The following RERG variants were observed in gnomAD, a reference collection of about 807,000 sequenced individuals.
RERG encodes the protein RAS like estrogen regulated growth inhibitor.
In RERG, 25 loss-of-function variants were observed where a neutral mutation model predicts 23.2. That is an observed-to-expected ratio of 1.08 (90% CI 0.79 to 1.50). The LOEUF (loss-of-function observed/expected upper bound fraction) is 1.50. Ranked by LOEUF, RERG falls within the 40% of genes most tolerant of loss-of-function variation. The pLI is 0.00. For synonymous variants in RERG, 81 were observed against 89.1 expected (o/e 0.91, Z 0.51); for missense variants, 253 against 250.1 (o/e 1.01, Z -0.08).
chr12:15,159,913 G>T (rs1864580152), intron 2 of RERG, among the ~76,000 whole-genome samples: 1 of 152,176 alleles, frequency 6.6e-6, no homozygotes, highest in Admixed American at 6.5e-5. Context: ...AAAAGGGTGA[G>T]ATTTAATGCA....
chr12:15,116,077 A>T (rs1181918806), intron 3 of RERG, among the ~76,000 whole-genome samples: 1 of 152,186 alleles, frequency 6.6e-6, no homozygotes, highest in East Asian at 1.9e-4. Context: ...TTTATGTTAA[A>T]TTGGAGATTA....
intron 2 of RERG, among the ~76,000 whole-genome samples, chr12:15,198,686 G>T (rs919677691): frequency 6.6e-6 from 1 of 152,124 alleles, no homozygotes; most frequent in African/African-American, 2.4e-5. Flanking sequence ...CTCTCTGGAG[G>T]CTCTGAAACA....
At chr12:15,150,513 A>C (rs1322456883) in intron 2 of RERG, among the ~76,000 whole-genome samples, 1 of 152,228 alleles carries the variant, frequency 6.6e-6, no homozygotes, top group African/African-American at 2.4e-5. Flanking sequence ...TAAGGAACTT[A>C]GTATCATGTC....
chr12:15,136,404 T>C (rs1489024944), intron 2 of RERG, among the ~76,000 whole-genome samples: 2 of 151,990 alleles, frequency 1.3e-5, no homozygotes, highest in Non-Finnish European at 2.9e-5. Context: ...ATTTCTGTTC[T>C]AGTTTTTATT....
intron 2 of RERG, among the ~76,000 whole-genome samples, chr12:15,143,940 A>C (rs551056823): frequency 2.0e-5 from 3 of 152,274 alleles, no homozygotes; most frequent in Admixed American, 2.0e-4. Context: ...GGCAGAAGAA[A>C]GGGCAAGTGT....
chr12:15,147,348 A>G (rs1435930228), intron 2 of RERG, among the ~76,000 whole-genome samples: 2 of 152,254 alleles, frequency 1.3e-5, no homozygotes. Flanking sequence ...ATTTTGTAAC[A>G]TTCTTTCACT....
At chr12:15,143,535 C>A (rs1307233437) in intron 2 of RERG, among the ~76,000 whole-genome samples, 1 of 152,108 alleles carries the variant, frequency 6.6e-6, no homozygotes, top group East Asian at 1.9e-4. Flanking sequence ...CTACTATGTG[C>A]ATGGCAATGA....
At chr12:15,136,752 C>G (rs1474282941) in intron 2 of RERG, among the ~76,000 whole-genome samples, 1 of 151,962 alleles carries the variant, frequency 6.6e-6, no homozygotes, top group Non-Finnish European at 1.5e-5. Context: ...CCATTGTGGT[C>G]TGAGAACATG....
rs140269196 is a variant in RERG, at chr12:15,188,889, C to T, written c.61+28540G>A. ...GTTATGGGAATGCCTCAGACGCCCA[C>T]GCACTCTCAGAGTATGATGAGAGAT... On this transcript the variant is annotated intron_variant, in intron 2 of 4. Transcript: ENST00000256953. Among the ~76,000 whole-genome samples the T allele has an allele frequency of 1.1e-3, 172 of 152,250 alleles. 4 individuals are homozygous for T. The East Asian group carries it at 0.026, about 23-fold the overall frequency.
intron 2 of RERG, among the ~76,000 whole-genome samples, chr12:15,172,234 T>A (rs904506865): frequency 6.6e-6 from 1 of 152,196 alleles, no homozygotes; most frequent in African/African-American, 2.4e-5. Flanking sequence ...TCATACAATA[T>A]GTGGTCTTTT....
At chr12:15,198,121 A>G (rs138529846) in intron 2 of RERG, among the ~76,000 whole-genome samples, 3 of 151,896 alleles carry the variant, frequency 2.0e-5, no homozygotes, top group African/African-American at 4.8e-5. Context: ...CTCTGGCTCT[A>G]TTTCCTTTTC....
chr12:15,140,245 G>C (rs557897490), intron 2 of RERG, among the ~76,000 whole-genome samples: 3 of 152,196 alleles, frequency 2.0e-5, no homozygotes, highest in Non-Finnish European at 4.4e-5. Context: ...ACCCCTGAGA[G>C]TTCTCTCACT....
chr12:15,124,706 GTATT>G (rs1470933373), intron 2 of RERG, among the ~76,000 whole-genome samples: 2 of 151,894 alleles, frequency 1.3e-5, no homozygotes, highest in Non-Finnish European at 2.9e-5. Flanking sequence ...ACAACAATAA[GTATT>G]TATTATGGAA....
At chr12:15,181,907 G>T (rs1864928119) in intron 2 of RERG, among the ~76,000 whole-genome samples, 1 of 152,150 alleles carries the variant, frequency 6.6e-6, no homozygotes, top group Admixed American at 6.6e-5. Context: ...CAAACTCTGG[G>T]AGAATGTCAT....
intron 2 of RERG, among the ~76,000 whole-genome samples, chr12:15,214,412 C>A (rs1355197309): frequency 6.6e-6 from 1 of 152,098 alleles, no homozygotes; most frequent in Non-Finnish European, 1.5e-5. Context: ...TCTTATTTAC[C>A]CCCAATTCCT....
intron 2 of RERG, among the ~76,000 whole-genome samples, chr12:15,213,792 C>T (rs1787534283): frequency 6.6e-6 from 1 of 152,316 alleles, no homozygotes; most frequent in South Asian, 2.1e-4. Context: ...GCCTATCTAT[C>T]ACCTGGGCTT....
At chr12:15,170,093 T>C (rs747445014) in intron 2 of RERG, among the ~76,000 whole-genome samples, 2 of 152,110 alleles carry the variant, frequency 1.3e-5, no homozygotes, top group Non-Finnish European at 2.9e-5. Flanking sequence ...AATACAGATA[T>C]AGAAATGGCA....
intron 2 of RERG, 99 bp from the exon 3 acceptor site, chr12:15,121,218 A>AT (rs1863826139): frequency 2.5e-6 from 2 of 789,302 alleles, no homozygotes; most frequent in Non-Finnish European, 4.2e-6. Flanking sequence ...CAACCCTATA[A>AT]ATGCTTTATA....
In RERG at chr12:15,160,855, G is replaced by A. The variant is rs148493528; in HGVS notation, c.62-39736C>T. ...AATACTCCTTAGAAACAGGGGCATC[G>A]TCTGGGCGCAATGGCTCCCACCTGT... On this transcript the variant is annotated intron_variant, in intron 2 of 4. Transcript: ENST00000256953. Among the ~76,000 whole-genome samples, 241 of 150,934 alleles carry A rather than the reference G, an allele frequency of 1.6e-3. 6 individuals are homozygous for A. The South Asian group carries it at 0.046, about 29-fold the overall frequency.
Sources: allele counts gnomAD v4.1 joint callset (sites outside exome capture counted in the v4.1 genomes callset), GRCh38; gene constraint gnomAD v4.1.1; transcripts MANE v1.5; gene names NCBI Gene and HGNC (gene_info 2026-07-23, HGNC 2026-07-21).